GSE1: variants seen among roughly 807,000 people sequenced by gnomAD.
The protein encoded by GSE1 is genetic suppressor element 1.
GSE1 carries 32 observed loss-of-function variants against 112.6 expected under a neutral mutation model. That is an observed-to-expected ratio of 0.28 (90% CI 0.21 to 0.38). GSE1 has a LOEUF of 0.38. Ranked by LOEUF, GSE1 falls within the 10% of genes least tolerant of loss-of-function variation. The pLI is 1.00. For missense variants in GSE1, 2,348 were observed against 1,699.2 expected, an observed-to-expected ratio of 1.38 and a Z score of -6.71; for synonymous variants, 1,115 against 735.6, an observed-to-expected ratio of 1.52 and a Z score of -8.35.
At position 85,288,171 on chromosome 16, in the gene GSE1, C is replaced by T. The variant is rs139949494; in HGVS notation, c.2284-69292C>T. ...AGGAGAGTCGTTTGACCCCGGGAGG[C>T]GGAGGTTGCAGTGAGCTGAGATCAC... On this transcript the variant is annotated intron_variant, in intron 1 of 2. Coordinates refer to the GSE1 transcript ENST00000637419. 5.8e-4 allele frequency among the ~76,000 whole-genome samples: 89 copies of T among 152,170 alleles called. 3 individuals are homozygous for T. The East Asian group carries it at 0.014, about 23-fold the overall frequency.
At chr16:85,565,232 A>C (rs2045690622) in intron 1 of GSE1, among the ~76,000 whole-genome samples, 1 of 152,066 alleles carries the variant, frequency 6.6e-6, no homozygotes, top group Admixed American at 6.5e-5. Context: ...TCTACTAAAA[A>C]TACAAAAAAA....
intron 1 of GSE1, among the ~76,000 whole-genome samples, chr16:85,572,118 G>GCA (rs369085604): frequency 1.2e-4 from 12 of 100,254 alleles, no homozygotes; most frequent in African/African-American, 4.3e-4. Context: ...CACACACAAC[G>GCA]CACACACACA....
Position 85,665,058 on chromosome 16 carries a change from G to C in GSE1, c.2688G>C (p.Lys896Asn), listed in dbSNP as rs755775710. ...LVEMLRAMKQKALSAAVADSL... is the reference protein window; with the variant it reads ...LVEMLRAMKQNALSAAVADSL... ...AAATGCTCCGTGCCATGAAGCAGAA[G>C]GCACTGTCAGCAGCAGTGGCCGACT... Residue 896 changes from lysine to asparagine, a missense_variant, in exon 12 of 16, where the codon AAG becomes AAC. Physicochemically the swap from Lys to Asn is moderately conservative, Grantham distance 94. Coordinates refer to ENST00000253458, the MANE Select transcript of GSE1 (RefSeq NM_014615.5). 4 of 1,612,996 alleles carry C rather than the reference G, an allele frequency of 2.5e-6. No individual in the cohort carries two copies. The East Asian group carries it at 8.9e-5, about 36-fold the overall frequency.
intron 15 of GSE1, among the ~76,000 whole-genome samples, chr16:85,671,409 C>T (rs1411765602): frequency 7.9e-6 from 1 of 127,228 alleles, no homozygotes; most frequent in African/African-American, 3.0e-5. Context: ...CACTGCACTC[C>T]AGCCTGGGCG....
chr16:85,632,075 C>T (rs1158730812), intron 1 of GSE1, among the ~76,000 whole-genome samples: 1 of 152,194 alleles, frequency 6.6e-6, no homozygotes, highest in African/African-American at 2.4e-5. Context: ...AGAGCCCCCG[C>T]CCTCCCGCTT....
intron 1 of GSE1, among the ~76,000 whole-genome samples, chr16:85,177,961 C>A (rs1267367748): frequency 2.0e-5 from 3 of 152,180 alleles, no homozygotes; most frequent in Non-Finnish European, 4.4e-5. Flanking sequence ...CCATATTCTA[C>A]CCACTAACTG....
chr16:85,601,988 G>A (rs1434602548), intron 1 of GSE1, among the ~76,000 whole-genome samples: 13 of 152,262 alleles, frequency 8.5e-5, no homozygotes, highest in Admixed American at 7.9e-4. Flanking sequence ...GGAGCACTGG[G>A]AGGCGGCGGG....
chr16:85,175,551 C>T (rs1337040324), intron 1 of GSE1, among the ~76,000 whole-genome samples: 9 of 152,200 alleles, frequency 5.9e-5, no homozygotes, highest in Non-Finnish European at 1.3e-4. Context: ...GTTGCGGATG[C>T]GTTGACGCCC....
chr16:85,229,314 C>T (rs924927085), intron 1 of GSE1, among the ~76,000 whole-genome samples: 10 of 152,222 alleles, frequency 6.6e-5, no homozygotes, highest in African/African-American at 2.4e-4. Flanking sequence ...AGGGCGGACA[C>T]GGTGAGAGTC....
intron 1 of GSE1, among the ~76,000 whole-genome samples, chr16:85,318,590 G>A (rs1158551482): frequency 6.6e-6 from 1 of 152,200 alleles, no homozygotes; most frequent in Non-Finnish European, 1.5e-5. Flanking sequence ...TGGGGCTGAC[G>A]ATAGTGGGAA....
intron 2 of GSE1, among the ~76,000 whole-genome samples, chr16:85,458,210 C>T (rs561294070): frequency 1.0e-3 from 153 of 152,332 alleles, no homozygotes; most frequent in African/African-American, 3.5e-3. Context: ...CTCTGGGGAC[C>T]CCCTGCCTCG....
intron 1 of GSE1, among the ~76,000 whole-genome samples, chr16:85,197,897 G>T (rs568046127): frequency 6.6e-6 from 1 of 152,226 alleles, no homozygotes; most frequent in South Asian, 2.1e-4. Flanking sequence ...AAAAATCAGC[G>T]TGGTTCTCGT....
At chr16:85,613,570 C>T (rs1050845967) in intron 1 of GSE1, among the ~76,000 whole-genome samples, 172 bp downstream of exon 1, 1 of 151,530 alleles carries the variant, frequency 6.6e-6, no homozygotes, top group East Asian at 2.0e-4. Context: ...CCAAAGGCCA[C>T]CCCCTTCCTC....
At chr16:85,670,850 C>T in intron 14 of GSE1, 145 bp from the exon 15 acceptor site, 1 of 606,276 alleles carries the variant, frequency 1.6e-6, no homozygotes, top group Non-Finnish European at 3.0e-6. Context: ...GGGCTGGGAG[C>T]ATTGTGGTCC....
chr16:85,245,311 C>G (rs889391620), intron 1 of GSE1, among the ~76,000 whole-genome samples: 1 of 152,214 alleles, frequency 6.6e-6, no homozygotes, highest in Non-Finnish European at 1.5e-5. Flanking sequence ...GGCTAGTATT[C>G]GAGAGGCACT....
At chr16:85,400,412 A>C (rs1422915232) in intron 2 of GSE1, among the ~76,000 whole-genome samples, 1 of 149,872 alleles carries the variant, frequency 6.7e-6, no homozygotes, top group Non-Finnish European at 1.5e-5. Flanking sequence ...TGTGTGTTGC[A>C]TGTATGTCTT....
chr16:85,181,316 C>G (rs2074578970), intron 1 of GSE1, among the ~76,000 whole-genome samples: 1 of 152,230 alleles, frequency 6.6e-6, no homozygotes, highest in Non-Finnish European at 1.5e-5. Flanking sequence ...GATAAGGAGG[C>G]CAAGGCTCAG....
intron 7 of GSE1, 101 bp downstream of exon 7, chr16:85,656,766 C>G (rs1368661446): frequency 4.2e-6 from 6 of 1,413,034 alleles, no homozygotes; most frequent in Non-Finnish European, 5.6e-6. Context: ...GTAAATGTTC[C>G]CCAGCTGAGT....
intron 2 of GSE1, among the ~76,000 whole-genome samples, chr16:85,379,507 A>C (rs999056978): frequency 9.9e-5 from 15 of 152,140 alleles, no homozygotes; most frequent in Non-Finnish European, 7.4e-5. Context: ...AGGTGCTTCC[A>C]TGTATTGGTT....
Sources: allele counts gnomAD v4.1 joint callset (sites outside exome capture counted in the v4.1 genomes callset), GRCh38; gene constraint gnomAD v4.1.1; transcripts MANE v1.5; gene names NCBI Gene and HGNC (gene_info 2026-07-23, HGNC 2026-07-21).